The following RAB11FIP4 variants were observed in gnomAD, a reference collection of about 807,000 sequenced individuals.
RAB11FIP4 encodes RAB11 family interacting protein 4.
A neutral mutation model predicts 74.3 loss-of-function variants in RAB11FIP4; 23 were observed. The observed-to-expected ratio is 0.31, with a 90% confidence interval of 0.22 to 0.44. The LOEUF (loss-of-function observed/expected upper bound fraction) is 0.44. Among genes scored for constraint, RAB11FIP4 ranks in the 20% least tolerant of loss-of-function variants. RAB11FIP4 has a pLI of 1.00. For missense variants in RAB11FIP4, 630 were observed against 863.9 expected (o/e 0.73, Z 3.39); for synonymous variants, 360 against 359.9 (o/e 1.00, Z 0.00).
At chr17:31,448,914 A>G (rs922850940) in intron 3 of RAB11FIP4, among the ~76,000 whole-genome samples, 1 of 151,994 alleles carries the variant, frequency 6.6e-6, no homozygotes, top group African/African-American at 2.4e-5. Context: ...AGCCTTTTTC[A>G]TTTCTGCCTA....
intron 5 of RAB11FIP4, 76 bp downstream of exon 5, chr17:31,521,436 G>T (rs1246014266): frequency 2.3e-6 from 3 of 1,327,466 alleles, no homozygotes; most frequent in Non-Finnish European, 3.1e-6. Flanking sequence ...GGGGGTGGGG[G>T]GGTGCGAGTC....
chr17:31,422,618 T>C (rs2071210558), intron 1 of RAB11FIP4, among the ~76,000 whole-genome samples: 1 of 152,242 alleles, frequency 6.6e-6, no homozygotes, highest in African/African-American at 2.4e-5. Context: ...GTAATTTTCC[T>C]TGTTTGGATT....
chr17:31,531,803 C>A lies in RAB11FIP4; in HGVS notation c.*71C>A. 1 of 987,390 alleles carries A rather than the reference C, an allele frequency of 1.0e-6. No individual in the cohort carries two copies. Among genetic ancestry groups the A allele is most frequent in the Admixed American group, 1.9e-5 (1 of 53,960 alleles). The allele number at this position is 987,390 out of a possible 1,614,324, so 61.2% of individuals were successfully genotyped here. A position where few individuals can be genotyped will look rare whatever the true frequency, so the allele number is the denominator to read the frequency against. On this transcript the variant is annotated 3_prime_UTR_variant, in exon 15 of 15. Transcript: ENST00000621161. ...GGCAGACCCTGCCCAAGGATGCAGG[C>A]CTAAGCCGGGCCTCACACTCACACT...
chr17:31,518,212 G>A (rs538263644), intron 4 of RAB11FIP4, among the ~76,000 whole-genome samples: 1 of 152,158 alleles, frequency 6.6e-6, no homozygotes, highest in East Asian at 1.9e-4. Context: ...GCAGGTTGTG[G>A]CCAGGCATGG....
At chr17:31,468,707 G>C (rs946520589) in intron 3 of RAB11FIP4, among the ~76,000 whole-genome samples, 1 of 152,120 alleles carries the variant, frequency 6.6e-6, no homozygotes, top group South Asian at 2.1e-4. Context: ...GTGGGCACCT[G>C]TAATCCCAGC....
chr17:31,447,267 G>C (rs2071476371), intron 3 of RAB11FIP4, among the ~76,000 whole-genome samples: 1 of 152,182 alleles, frequency 6.6e-6, no homozygotes, highest in Admixed American at 6.5e-5. Flanking sequence ...CTGGGCCACA[G>C]AGCGTGAGAC....
intron 1 of RAB11FIP4, among the ~76,000 whole-genome samples, chr17:31,425,778 C>T (rs577277531): frequency 3.9e-5 from 6 of 152,306 alleles, no homozygotes; most frequent in East Asian, 1.9e-4. Flanking sequence ...CTGGCGAACC[C>T]GTCTCTCCTG....
At chr17:31,456,492 C>T (rs941364057) in intron 3 of RAB11FIP4, among the ~76,000 whole-genome samples, 4 of 152,150 alleles carry the variant, frequency 2.6e-5, no homozygotes, top group African/African-American at 9.7e-5. Flanking sequence ...CAGGCGTGGG[C>T]CACCCTGCTG....
Position 31,391,684 on chromosome 17 carries a change from G to A in RAB11FIP4, c.-169G>A, listed in dbSNP as rs1220937339. 7.0e-6 allele frequency: 2 copies of A among 284,606 alleles called. No homozygotes were observed. Among genetic ancestry groups the A allele is most frequent in the Non-Finnish European group, 1.0e-5 (2 of 190,804 alleles). 17.6% of individuals were successfully genotyped at this position (284,606 alleles called of 1,614,324 possible). A position where few individuals can be genotyped will look rare whatever the true frequency, so the allele number is the denominator to read the frequency against. On this transcript the variant is annotated 5_prime_UTR_variant, in exon 1 of 15. Transcript: ENST00000621161. ...CCCTCCCTTCCCCTCCGGAGCGGCT[G>A]GGGCTGCGGCGCCGCTGCTGACACG...
At position 31,474,735 on chromosome 17, in the gene RAB11FIP4, G is replaced by T. The variant is rs555765903; in HGVS notation, c.336+40613G>T. 1.8e-3 allele frequency among the ~76,000 whole-genome samples: 270 copies of T among 151,988 alleles called. 1 individual carries two copies. The highest frequency in any genetic ancestry group is 6.4e-3 in the African/African-American group (265 of 41,426). On this transcript the variant is annotated intron_variant, in intron 3 of 14. Transcript: ENST00000621161. ...CCGGTGCCTGTAATCCCATCTACTT[G>T]GGAGGCTAAGGCAGGAGAATAGCTT... is the stretch of plus-strand genomic sequence containing the variant.
In RAB11FIP4 at chr17:31,392,138, C is replaced by T. The variant is rs962629931; in HGVS notation, c.159+127C>T. 8 of 738,202 alleles carry T rather than the reference C, an allele frequency of 1.1e-5. No individual in the cohort carries two copies. The African/African-American group carries it at 1.3e-4, about 12-fold the overall frequency. The allele number at this position is 738,202 out of a possible 1,614,324, so 45.7% of individuals were successfully genotyped here. On this transcript the variant is annotated intron_variant, in intron 1 of 14. Transcript: ENST00000621161. ...GGCCTCCCTCCCAATCCCCTCCCTC[C>T]GCCGGAGCCCAGGACCTCGGCCCCC...
At chr17:31,483,139 G>T (rs1345248530) in intron 3 of RAB11FIP4, among the ~76,000 whole-genome samples, 1 of 145,482 alleles carries the variant, frequency 6.9e-6, no homozygotes, top group Admixed American at 7.1e-5. Context: ...TTTGCAGTGA[G>T]CCGAGATCAT....
intron 7 of RAB11FIP4, 33 bp from the exon 8 acceptor site, chr17:31,523,479 C>T: frequency 9.5e-6 from 15 of 1,583,280 alleles, no homozygotes; most frequent in Non-Finnish European, 1.3e-5. Flanking sequence ...TGGAAGGCCC[C>T]TGCAGCCAGA....
chr17:31,511,401 G>A (rs1338791706), intron 3 of RAB11FIP4, among the ~76,000 whole-genome samples: 2 of 152,240 alleles, frequency 1.3e-5, no homozygotes, highest in Non-Finnish European at 2.9e-5. Flanking sequence ...TCCAGCATCA[G>A]ACAGTCAGGC....
chr17:31,530,720 G>A (rs143828157), intron 14 of RAB11FIP4, among the ~76,000 whole-genome samples: 10 of 152,280 alleles, frequency 6.6e-5, no homozygotes, highest in South Asian at 2.1e-4. Context: ...GTCTTAGGTC[G>A]GCCAGAAAAA....
intron 3 of RAB11FIP4, among the ~76,000 whole-genome samples, chr17:31,437,160 C>T (rs959062166): frequency 6.6e-6 from 1 of 152,162 alleles, no homozygotes; most frequent in African/African-American, 2.4e-5. Flanking sequence ...GCTGTGGACA[C>T]AGTGGCAGCC....
chr17:31,505,268 T>G (rs2072295247), intron 3 of RAB11FIP4, among the ~76,000 whole-genome samples: 1 of 149,684 alleles, frequency 6.7e-6, no homozygotes, highest in Non-Finnish European at 1.5e-5. Flanking sequence ...TTCATTAGCC[T>G]TTAATCTACT....
intron 3 of RAB11FIP4, among the ~76,000 whole-genome samples, chr17:31,446,582 T>C (rs2071466370): frequency 6.6e-6 from 1 of 151,982 alleles, no homozygotes; most frequent in Non-Finnish European, 1.5e-5. Flanking sequence ...TGGGCTGAGA[T>C]TAGGACATTG....
chr17:31,517,858 C>G lies in RAB11FIP4; in HGVS notation c.544C>G (p.Leu182Val). ...CGAGAAGGACGGGGGACTTGGGGGC[C>G]TGTTTCTGCCAGAAGACAAGTGAGT... Reference protein sequence around the residue: ...PAEKDGGLGGLFLPEDKSLVH... With the variant: ...PAEKDGGLGGVFLPEDKSLVH... The change falls in exon 4 of 15, where the codon CTG becomes GTG. Residue 182 changes from leucine (L) to valine (V), a missense_variant. Transcript: ENST00000621161. 1 of 1,551,596 alleles carries G rather than the reference C, an allele frequency of 6.4e-7. No individual in the cohort carries two copies. The highest frequency in any genetic ancestry group is 1.2e-5 in the South Asian group (1 of 84,056).
Sources: gnomAD v4.1 joint callset for allele counts (sites outside exome capture counted in the v4.1 genomes callset) on GRCh38, gnomAD v4.1.1 for gene constraint, MANE v1.5 for transcripts, NCBI Gene and HGNC (gene_info 2026-07-23, HGNC 2026-07-21) for gene names.